DSTYK: variants seen among roughly 807,000 people sequenced by gnomAD.
DSTYK encodes dual serine/threonine and tyrosine protein kinase, also known as RIP-homologous kinase.
A neutral mutation model predicts 98.7 loss-of-function variants in DSTYK; 34 were observed. The ratio of observed to expected loss-of-function variants is 0.34; its 90% confidence interval spans 0.26 to 0.46. The LOEUF is 0.46. Ranked by LOEUF, DSTYK falls within the 20% of genes least tolerant of loss-of-function variation. The pLI, the probability that DSTYK is intolerant of heterozygous loss-of-function variation, is 1.00. For synonymous variants in DSTYK, 462 were observed against 457.3 expected (o/e 1.01, Z -0.13); for missense variants, 962 against 1,181.7 (o/e 0.81, Z 2.73).
chr1:205,201,404 G>GAAAAA (rs1491178320), intron 1 of DSTYK, among the ~76,000 whole-genome samples: 1 of 54,416 alleles, frequency 1.8e-5, no homozygotes, highest in African/African-American at 4.4e-5. Context: ...TTTTTTTAAT[G>GAAAAA]CAAAAAAAAA....
Position 205,194,084 on chromosome 1 carries a change from T to C in DSTYK, c.266-6278A>G, listed in dbSNP as rs576024275. Among the ~76,000 whole-genome samples the C allele has an allele frequency of 7.2e-5, 11 of 152,364 alleles. No individual in the cohort carries two copies. In the South Asian group the frequency reaches 2.3e-3, roughly 32 times the overall value. Reference sequence around the variant, plus strand: ...TTCTCAGTCTATTACCATTAGATCATGTCCTACTGTCCAATCACTTTCTAC... The same window carrying C: ...TTCTCAGTCTATTACCATTAGATCACGTCCTACTGTCCAATCACTTTCTAC... On this transcript the variant is annotated intron_variant, in intron 1 of 12. Coordinates refer to ENST00000367162, the MANE Select transcript of DSTYK (RefSeq NM_015375.3).
rs181938273 is a variant in DSTYK, at chr1:205,177,609, G to C, written c.655-7777C>G. Among the ~76,000 whole-genome samples the C allele has an allele frequency of 2.7e-3, 417 of 152,282 alleles. 3 individuals are homozygous for C. The highest frequency in any genetic ancestry group is 6.8e-3 in the Middle Eastern group (2 of 294). ...TGGCTGGGTGTGGTGGCTCATGCCT[G>C]TAATCCCAGCACTTTGGGAGGCCAA... is the stretch of plus-strand genomic sequence containing the variant. On this transcript the variant is annotated intron_variant, in intron 2 of 12. Transcript: ENST00000367162.
chr1:205,157,242 G>A (rs768535879), intron 10 of DSTYK, 31 bp downstream of exon 10: 2 of 1,579,502 alleles, frequency 1.3e-6, no homozygotes, highest in South Asian at 1.1e-5. Context: ...CAGAGGTAGG[G>A]TATAATCTTG....
In DSTYK at chr1:205,169,574, G is replaced by A. The variant is rs779720873; in HGVS notation, c.913C>T (p.Arg305Cys). Residue 305 changes from arginine to cysteine, a missense_variant, in exon 3 of 13, where the codon CGC (arginine) becomes TGC (cysteine). By Grantham distance (180) the Arg-to-Cys change is radical (BLOSUM62 -3). Coordinates refer to ENST00000367162, the MANE Select transcript of DSTYK (RefSeq NM_015375.3). This position sits in a 1 kb window ranked among gnomAD's most constrained non-coding sequence, Gnocchi z 4.0. ...AGATAGCCCAGGTCAATTAGCTGGC[G>A]ATAAAGCGGTGATCTTTCGCTCTCC... ...RMESERSPLY[R>C]QLIDLGYLSS... 13 of 1,614,042 alleles carry A rather than the reference G, an allele frequency of 8.1e-6. No individual in the cohort carries two copies. The East Asian group carries it at 1.6e-4, about 19-fold the overall frequency.
At chr1:205,197,895 A>T (rs1658912764) in intron 1 of DSTYK, among the ~76,000 whole-genome samples, 1 of 152,218 alleles carries the variant, frequency 6.6e-6, no homozygotes, top group Non-Finnish European at 1.5e-5. Context: ...CAGGTTCATT[A>T]AATAAGAAAC....
intron 7 of DSTYK, among the ~76,000 whole-genome samples, chr1:205,160,741 G>T (rs575497741): frequency 6.6e-6 from 1 of 151,752 alleles, no homozygotes; most frequent in Non-Finnish European, 1.5e-5. Context: ...TAATCTAACT[G>T]GTTTAATTCA....
intron 1 of DSTYK, among the ~76,000 whole-genome samples, chr1:205,210,199 G>A (rs1025123333): frequency 6.6e-6 from 1 of 152,012 alleles, no homozygotes; most frequent in Non-Finnish European, 1.5e-5. Flanking sequence ...CACCGCGCCC[G>A]GCCTCTTCAG....
intron 1 of DSTYK, among the ~76,000 whole-genome samples, chr1:205,198,419 A>G (rs1658931377): frequency 2.0e-5 from 3 of 152,350 alleles, no homozygotes; most frequent in Admixed American, 2.0e-4. Context: ...CAGTTGTTCA[A>G]TCAGGAGAAA....
At position 205,152,466 on chromosome 1, in the gene DSTYK, T is replaced by C. The variant is rs111668885; in HGVS notation, c.2353-1672A>G. Among the ~76,000 whole-genome samples, 1,316 of 152,340 alleles carry C rather than the reference T, an allele frequency of 8.6e-3. 23 individuals carry two copies. The highest frequency in any genetic ancestry group is 0.03 in the African/African-American group (1,260 of 41,588). ...TGCTGGGATTACAGGCGTAAGCCAC[T>C]GCGCCTGGCCAGTCCATTATAATCT... On this transcript the variant is annotated intron_variant, in intron 10 of 12. Transcript: ENST00000367162.
intron 10 of DSTYK, among the ~76,000 whole-genome samples, chr1:205,156,017 G>A (rs1657548003): frequency 6.6e-6 from 1 of 152,256 alleles, no homozygotes; most frequent in Non-Finnish European, 1.5e-5. Context: ...AATCTTGGCA[G>A]CTTACATGTG....
Position 205,182,269 on chromosome 1 carries a change from C to T in DSTYK, c.654+5149G>A, listed in dbSNP as rs1043996933. ...CACAAAAATTAGTCAGGCATGGTGA[C>T]GCACGCCTGTAGTCCCAGCTACTTG... On this transcript the variant is annotated intron_variant, in intron 2 of 12. Transcript: ENST00000367162. Among the ~76,000 whole-genome samples, 7 of 151,378 alleles carry T rather than the reference C, an allele frequency of 4.6e-5. No homozygotes were observed. In the East Asian group the frequency reaches 1.2e-3, roughly 25 times the overall value.
Position 205,145,623 on chromosome 1 carries a change from G to A in DSTYK, c.*1935C>T, listed in dbSNP as rs1390177932. On this transcript the variant is annotated 3_prime_UTR_variant, in exon 13 of 13. Transcript: ENST00000367162. Reference sequence around the variant, plus strand: ...GGCTCACCATGACCTCTGCCTCCCGGGTTCAAGTGATTCTCCTGCCTCAGC... The same window carrying A: ...GGCTCACCATGACCTCTGCCTCCCGAGTTCAAGTGATTCTCCTGCCTCAGC... The A allele has an allele frequency of 6.6e-6, 1 of 150,834 alleles. No homozygotes were observed. The highest frequency in any genetic ancestry group is 1.5e-5 in the Non-Finnish European group (1 of 67,864). The allele number at this position is 150,834 out of a possible 1,614,324, so 9.3% of individuals were successfully genotyped here.
intron 11 of DSTYK, among the ~76,000 whole-genome samples, chr1:205,149,588 T>C (rs563165002): frequency 6.6e-6 from 1 of 152,352 alleles, no homozygotes; most frequent in East Asian, 1.9e-4. Context: ...TTGTTTGTTT[T>C]AGCACTAACA....
intron 3 of DSTYK, among the ~76,000 whole-genome samples, chr1:205,168,612 A>G (rs1184439027): frequency 6.6e-6 from 1 of 152,242 alleles, no homozygotes; most frequent in Non-Finnish European, 1.5e-5. Flanking sequence ...CAAAATCAGC[A>G]GCATCTCAGA....
In DSTYK at chr1:205,147,547, G is replaced by A. The variant is rs1359507931; in HGVS notation, c.*11C>T. 1.0e-5 allele frequency: 16 copies of A among 1,599,522 alleles called. No homozygotes were observed. Among genetic ancestry groups the A allele is most frequent in the Admixed American group, 3.4e-5 (2 of 59,494 alleles). ...AAATAACTAGAGAGTGAAAGAGAAA[G>A]GTCTTTGCTTTCAAGTAGAATCATC... On this transcript the variant is annotated 3_prime_UTR_variant, in exon 13 of 13. Transcript: ENST00000367162.
rs961197465 is a variant in DSTYK, at chr1:205,146,338, T to A, written c.*1220A>T. ...TCAGTTCTCACCCAAATACTTCGCA[T>A]TGGGTTGGTTTTGCTTAGACACTCA... On this transcript the variant is annotated 3_prime_UTR_variant, in exon 13 of 13. Transcript: ENST00000367162. The A allele has an allele frequency of 6.6e-6, 1 of 152,136 alleles. No individual in the cohort carries two copies. The highest frequency in any genetic ancestry group is 2.4e-5 in the African/African-American group (1 of 41,428). The allele number at this position is 152,136 out of a possible 1,614,324, so 9.4% of individuals were successfully genotyped here. A position where few individuals can be genotyped will look rare whatever the true frequency, so the allele number is the denominator to read the frequency against.
intron 2 of DSTYK, among the ~76,000 whole-genome samples, chr1:205,177,399 T>G (rs919428580): frequency 6.6e-6 from 1 of 152,216 alleles, no homozygotes; most frequent in African/African-American, 2.4e-5. Flanking sequence ...CTAGCTACTT[T>G]ACTTCCAATT....
At chr1:205,210,790 A>G (rs1436435558) in intron 1 of DSTYK, among the ~76,000 whole-genome samples, 1 of 152,218 alleles carries the variant, frequency 6.6e-6, no homozygotes. Context: ...CACATTTCAC[A>G]TACATCATCA....
chr1:205,182,289 T>C (rs144633649), intron 2 of DSTYK, among the ~76,000 whole-genome samples: 137 of 151,376 alleles, frequency 9.1e-4, no homozygotes, highest in Non-Finnish European at 1.7e-3. Flanking sequence ...TAGTCCCAGC[T>C]ACTTGGGAGG....
Sources: gnomAD v4.1 joint callset for allele counts (sites outside exome capture counted in the v4.1 genomes callset) on GRCh38, gnomAD v4.1.1 for gene constraint, Gnocchi (gnomAD v3.1) non-coding constraint, MANE v1.5 for transcripts, NCBI Gene and HGNC (gene_info 2026-07-23, HGNC 2026-07-21) for gene names.